The following NPC1 variants were observed in gnomAD, a reference collection of about 807,000 sequenced individuals.
The protein encoded by NPC1 is NPC intracellular cholesterol transporter 1, also known as Niemann-Pick C1 protein.
Under a neutral mutation model 140.4 loss-of-function variants are expected in NPC1, and 85 were observed. The ratio of observed to expected loss-of-function variants is 0.61; its 90% CI spans 0.51 to 0.72. The LOEUF is 0.72. Ranked by LOEUF, NPC1 falls within the 30% of genes least tolerant of loss-of-function variation. The pLI is 0.00. For synonymous variants in NPC1, 656 were observed against 624.8 expected (o/e 1.05, Z -0.74); for missense variants, 1,504 against 1,623.8 (o/e 0.93, Z 1.27).
rs2058635149 is a variant in NPC1, at chr18:23,536,659, A to C, written c.3245+14T>G. On this transcript the variant is annotated intron_variant, in intron 21 of 24. Coordinates refer to ENST00000269228, the MANE Select transcript of NPC1 (RefSeq NM_000271.5). ...TTTGCTGGGTAAACCCCATTGAAAAAGGGCAGGCTTTACCTGTAAGGAAAT... is the reference window on the plus strand; with the variant it reads ...TTTGCTGGGTAAACCCCATTGAAAACGGGCAGGCTTTACCTGTAAGGAAAT... 2.5e-6 allele frequency: 4 copies of C among 1,610,358 alleles called. No homozygotes were observed. Among genetic ancestry groups the C allele is most frequent in the Non-Finnish European group, 3.4e-6 (4 of 1,177,436 alleles).
chr18:23,529,395 G>GTGAT, downstream of NPC1: 1 of 1,492,384 alleles, frequency 6.7e-7, no homozygotes, highest in East Asian at 2.3e-5. Context: ...GTCACTTGAA[G>GTGAT]TGATTAGAAT....
At chr18:23,525,541 C>T (rs1460245577), downstream of NPC1, among the ~76,000 whole-genome samples, 1 of 152,210 alleles carries the variant, frequency 6.6e-6, no homozygotes, top group Non-Finnish European at 1.5e-5. Context: ...TCTCCTGCCT[C>T]AGCCTCCCCA....
At chr18:23,579,598 A>G (rs2059332954) in intron 1 of NPC1, among the ~76,000 whole-genome samples, 1 of 152,326 alleles carries the variant, frequency 6.6e-6, no homozygotes, top group East Asian at 1.9e-4. Context: ...GTTAAAAAAA[A>G]GCCCCTTCTA....
chr18:23,526,782 C>T, downstream of NPC1: 1 of 1,612,312 alleles, frequency 6.2e-7, no homozygotes, highest in Non-Finnish European at 8.5e-7. Context: ...TGAATCCTTC[C>T]CCCTTGCTCT....
chr18:23,574,302 T>TG (rs2059244212), intron 1 of NPC1, among the ~76,000 whole-genome samples: 1 of 152,126 alleles, frequency 6.6e-6, no homozygotes, highest in Non-Finnish European at 1.5e-5. Context: ...AAAACGCACC[T>TG]GATCCTCTGC....
downstream of NPC1, chr18:23,520,140 A>G (rs921081613): frequency 1.2e-5 from 15 of 1,288,068 alleles, no homozygotes; most frequent in Non-Finnish European, 1.6e-5. Flanking sequence ...ATGGGATGGA[A>G]TGAAAGCAAC....
intron 10 of NPC1, chr18:23,551,415 T>A: frequency 1.7e-6 from 1 of 591,524 alleles, no homozygotes; most frequent in Non-Finnish European, 3.0e-6. Context: ...CAAAGGCATG[T>A]GTGACCTAAA....
At chr18:23,527,768 C>A, downstream of NPC1, 1 of 1,581,236 alleles carries the variant, frequency 6.3e-7, no homozygotes, top group Non-Finnish European at 8.7e-7. Flanking sequence ...TTGGTTTGAT[C>A]CGTGTGTGAA....
downstream of NPC1, chr18:23,526,551 G>T: frequency 6.6e-7 from 1 of 1,507,300 alleles, no homozygotes; most frequent in Non-Finnish European, 9.0e-7. Context: ...CCTGCCACCC[G>T]CCCCGCAGAT....
intron 1 of NPC1, 37 bp downstream of exon 1, chr18:23,586,250 T>G: frequency 6.5e-7 from 1 of 1,528,750 alleles, no homozygotes; most frequent in Non-Finnish European, 8.7e-7. Flanking sequence ...CCCCGCCACG[T>G]CCCCACAGGG....
rs1464483708 is a variant in NPC1 at position 23,572,163 on chromosome 18, G to A, written c.198C>T (p.Phe66=). Residue 66 remains phenylalanine (F), a synonymous_variant, in exon 3 of 25, where the codon TTC becomes TTT. Transcript: ENST00000269228. ...AACAGAGACTGACATTGCCAAAGAA[G>A]AATCCTGGACAGAGTTCCTTTCAGG... is the stretch of plus-strand genomic sequence containing the variant. ...YDLVQELCPG[F]FFGNVSLCCD... 1 of 1,613,050 alleles carries A rather than the reference G, an allele frequency of 6.2e-7. No homozygotes were observed. The highest frequency in any genetic ancestry group is 8.5e-7 in the Non-Finnish European group (1 of 1,179,348).
Position 23,533,247 on chromosome 18 carries a change from A to C in NPC1, c.3754+108T>G, listed in dbSNP as rs112570895. On this transcript the variant is annotated intron_variant, in intron 24 of 24. Transcript: ENST00000269228. ...TACTCAGTATCATTTATCATTATCA[A>C]ATGACCATTAGTATGAGTTCAAATA... 2.6e-3 allele frequency: 3,044 copies of C among 1,192,330 alleles called. 57 individuals are homozygous for C. In the African/African-American group the frequency reaches 0.041, roughly 16 times the overall value. The allele number at this position is 1,192,330 out of a possible 1,614,324, so 73.9% of individuals were successfully genotyped here.
chr18:23,530,099 G>A (rs1235505995), downstream of NPC1: 2 of 1,614,200 alleles, frequency 1.2e-6, no homozygotes, highest in Non-Finnish European at 1.7e-6. Flanking sequence ...ATCAGTTCCT[G>A]CAGTACCACG....
chr18:23,555,185 G>A (rs1037146612), intron 8 of NPC1, among the ~76,000 whole-genome samples: 4 of 152,244 alleles, frequency 2.6e-5, no homozygotes, highest in African/African-American at 4.8e-5. Context: ...AAACTAGTTA[G>A]AGGCGTCCAC....
downstream of NPC1, chr18:23,529,710 C>T (rs759642405): frequency 6.2e-7 from 1 of 1,611,542 alleles, no homozygotes; most frequent in Non-Finnish European, 8.5e-7. Context: ...GATTGCAGTA[C>T]AGGTACCTTC....
At chr18:23,548,339 CTTTT>C in intron 10 of NPC1, among the ~76,000 whole-genome samples, 1 of 136,180 alleles carries the variant, frequency 7.3e-6, no homozygotes, top group East Asian at 2.2e-4. Context: ...AAGAGTAACT[CTTTT>C]TTTTTTTTTT....
chr18:23,534,643 T>C (rs1369086705), intron 22 of NPC1, 84 bp from the exon 23 acceptor site: 11 of 1,061,100 alleles, frequency 1.0e-5, no homozygotes, highest in Non-Finnish European at 1.6e-5. Context: ...TGGGTGCTAA[T>C]TACCCAGGGC....
At chr18:23,525,805 T>A (rs2058282804), downstream of NPC1, among the ~76,000 whole-genome samples, 1 of 152,174 alleles carries the variant, frequency 6.6e-6, no homozygotes, top group Non-Finnish European at 1.5e-5. Context: ...TATTAGAGAA[T>A]CTCCTATGTT....
At chr18:23,547,374 G>A (rs2058804155) in intron 11 of NPC1, among the ~76,000 whole-genome samples, 1 of 152,030 alleles carries the variant, frequency 6.6e-6, no homozygotes, top group Admixed American at 6.6e-5. Context: ...TGTCTTTTAT[G>A]ACAGCACAAT....
Sources: gnomAD v4.1 joint callset for allele counts (sites outside exome capture counted in the v4.1 genomes callset) on GRCh38, gnomAD v4.1.1 for gene constraint, MANE v1.5 for transcripts, NCBI Gene and HGNC (gene_info 2026-07-23, HGNC 2026-07-21) for gene names.